SHANK2: variants seen among roughly 807,000 people sequenced by gnomAD.
The protein encoded by SHANK2 is SH3 and multiple ankyrin repeat domains 2.
Under a neutral mutation model 133.7 loss-of-function variants are expected in SHANK2, and 43 were observed. That is an observed-to-expected ratio of 0.32 (90% CI 0.25 to 0.41). SHANK2 has a LOEUF of 0.41. SHANK2 is among the 10% of genes least tolerant of loss of function. The pLI is 1.00. For missense variants in SHANK2, 1,994 were observed against 2,235.8 expected, an observed-to-expected ratio of 0.89 and a Z score of 2.18; for synonymous variants, 1,017 against 952.8, an observed-to-expected ratio of 1.07 and a Z score of -1.24.
At chr11:71,083,602 A>T (rs1951330454) in intron 8 of SHANK2, among the ~76,000 whole-genome samples, 1 of 152,112 alleles carries the variant, frequency 6.6e-6, no homozygotes, top group East Asian at 1.9e-4. Flanking sequence ...CATCCCGAAG[A>T]TACTGAGTCA....
intron 14 of SHANK2, among the ~76,000 whole-genome samples, chr11:70,712,790 G>C (rs1945819977): frequency 6.6e-6 from 1 of 152,220 alleles, no homozygotes; most frequent in Non-Finnish European, 1.5e-5. Context: ...ACATGCTCAG[G>C]GGGCCACGCT....
At chr11:71,146,340 G>A (rs1164723362) in intron 3 of SHANK2, among the ~76,000 whole-genome samples, 1 of 151,744 alleles carries the variant, frequency 6.6e-6, no homozygotes, top group Non-Finnish European at 1.5e-5. Flanking sequence ...CCCCTTTACA[G>A]ACAAGATGAA....
intron 2 of SHANK2, among the ~76,000 whole-genome samples, chr11:71,202,906 G>A (rs771958904): frequency 6.6e-6 from 1 of 152,212 alleles, no homozygotes; most frequent in Non-Finnish European, 1.5e-5. Context: ...GGAAAAAACG[G>A]AGCCAGATGC....
chr11:70,733,104 G>A (rs569246368), intron 14 of SHANK2, among the ~76,000 whole-genome samples: 19 of 152,308 alleles, frequency 1.2e-4, no homozygotes, highest in Admixed American at 3.9e-4. Flanking sequence ...GATCGTCCGC[G>A]ACAGAAAGAC....
At chr11:70,496,590 C>T (rs782789037) in intron 21 of SHANK2, among the ~76,000 whole-genome samples, 1 of 152,356 alleles carries the variant, frequency 6.6e-6, no homozygotes, top group Non-Finnish European at 1.5e-5. Context: ...CATCCTGTTT[C>T]TCATCCTAAT....
At chr11:70,653,567 CAAAAAAAAAAAAA>C (rs1157982312) in intron 17 of SHANK2, among the ~76,000 whole-genome samples, 8 of 61,804 alleles carry the variant, frequency 1.3e-4, no homozygotes, top group Non-Finnish European at 2.4e-4. Flanking sequence ...CTCAGCCTTC[CAAAAAAAAAAAAA>C]AAAAAAAAAG....
intron 17 of SHANK2, among the ~76,000 whole-genome samples, chr11:70,537,024 AG>A (rs1235984489): frequency 1.1e-4 from 16 of 152,184 alleles, no homozygotes; most frequent in Non-Finnish European, 2.2e-4. Context: ...CAGCTAGAAG[AG>A]GGTTCCCCAG....
chr11:70,750,239 AC>A (rs1346768304), intron 14 of SHANK2, among the ~76,000 whole-genome samples: 1 of 152,230 alleles, frequency 6.6e-6, no homozygotes, highest in Admixed American at 6.5e-5. Flanking sequence ...CATGTGTATA[AC>A]AAGTGTGGAT....
intron 14 of SHANK2, among the ~76,000 whole-genome samples, chr11:70,737,923 C>T (rs1555033930): frequency 6.6e-6 from 1 of 152,250 alleles, no homozygotes; most frequent in Non-Finnish European, 1.5e-5. Context: ...GTGACAATGA[C>T]AAGTGTGAAG....
Position 70,815,727 on chromosome 11 carries a change from G to C in SHANK2, c.1493+4637C>G, listed in dbSNP as rs536678020. Among the ~76,000 whole-genome samples the C allele has an allele frequency of 3.3e-5, 5 of 152,262 alleles. No homozygotes were observed. The East Asian group carries it at 7.7e-4, about 24-fold the overall frequency. On this transcript the variant is annotated intron_variant, in intron 12 of 25. Transcript: ENST00000601538. Reference sequence around the variant, plus strand: ...TTGGTGCCAGCAGGAGTCCCGGTGGGGGCCCTGGGGAGGCTGGGAGGCCTC... The same window carrying C: ...TTGGTGCCAGCAGGAGTCCCGGTGGCGGCCCTGGGGAGGCTGGGAGGCCTC...
intron 17 of SHANK2, among the ~76,000 whole-genome samples, chr11:70,536,286 C>A (rs1480804872): frequency 1.3e-5 from 2 of 152,204 alleles, no homozygotes; most frequent in Non-Finnish European, 2.9e-5. Flanking sequence ...GGGCTCATCA[C>A]GCTTGTTGTT....
At position 71,229,107 on chromosome 11, in the gene SHANK2, G is replaced by A. The variant is rs568224148; in HGVS notation, c.-112-4311C>T. Among the ~76,000 whole-genome samples, 45 of 152,258 alleles carry A rather than the reference G, an allele frequency of 3.0e-4. 1 individual carries two copies. The highest frequency in any genetic ancestry group is 6.8e-3 in the Middle Eastern group (2 of 294). ...CCCCCACTTGATAAAGAACATCTGCGAAGAAACATGAGCCAAGATTCACCA... is the reference window on the plus strand; with the variant it reads ...CCCCCACTTGATAAAGAACATCTGCAAAGAAACATGAGCCAAGATTCACCA... On this transcript the variant is annotated intron_variant, in intron 1 of 25. Transcript: ENST00000601538.
At chr11:70,516,585 T>A (rs1402276557) in intron 17 of SHANK2, among the ~76,000 whole-genome samples, 1 of 152,196 alleles carries the variant, frequency 6.6e-6, no homozygotes, top group Non-Finnish European at 1.5e-5. Flanking sequence ...AAAAGCATAA[T>A]CTATAAAAGT....
intron 17 of SHANK2, among the ~76,000 whole-genome samples, chr11:70,583,438 C>T (rs1333716488): frequency 1.3e-5 from 2 of 152,120 alleles, no homozygotes; most frequent in Non-Finnish European, 2.9e-5. Context: ...AGAGGGAGTC[C>T]AGTCCTGCCC....
chr11:70,626,170 C>T lies in SHANK2; in HGVS notation c.2061+33658G>A, dbSNP rs560862547. Reference sequence around the variant, plus strand: ...CAACGGAAAACACCCCCAGCAGCACCGTTTGCTGGGCCCATTTAGGAAGAC... The same window carrying T: ...CAACGGAAAACACCCCCAGCAGCACTGTTTGCTGGGCCCATTTAGGAAGAC... On this transcript the variant is annotated intron_variant, in intron 17 of 25. Coordinates refer to ENST00000601538, the MANE Select transcript of SHANK2 (RefSeq NM_012309.5). Among the ~76,000 whole-genome samples the T allele has an allele frequency of 6.6e-5, 10 of 152,334 alleles. No homozygotes were observed. In the South Asian group the frequency reaches 1.5e-3, roughly 22 times the overall value.
intron 17 of SHANK2, among the ~76,000 whole-genome samples, chr11:70,649,209 T>C (rs1171810625): frequency 6.6e-6 from 1 of 152,140 alleles, no homozygotes; most frequent in Non-Finnish European, 1.5e-5. Flanking sequence ...ACCGTCCCTG[T>C]CTATCTCCAT....
At position 71,175,688 on chromosome 11, in the gene SHANK2, C is replaced by A. The variant is rs1297158623; in HGVS notation, c.-12-28350G>T. Among the ~76,000 whole-genome samples the A allele has an allele frequency of 6.6e-6, 1 of 151,578 alleles. No homozygotes were observed. The highest frequency in any genetic ancestry group is 1.5e-5 in the Non-Finnish European group (1 of 67,964). On this transcript the variant is annotated intron_variant, in intron 2 of 25. Transcript: ENST00000601538. The surrounding 1 kb of genome is among the most constrained non-coding windows in gnomAD (Gnocchi z 4.2). Reference sequence around the variant, plus strand: ...TACCTGAAACCACCCAAAATATATCCAAACCACCAAAATATGTAAAAAGAA... The same window carrying A: ...TACCTGAAACCACCCAAAATATATCAAAACCACCAAAATATGTAAAAAGAA...
At chr11:70,817,021 G>A (rs781939143) in intron 12 of SHANK2, among the ~76,000 whole-genome samples, 16 of 152,220 alleles carry the variant, frequency 1.1e-4, no homozygotes, top group Non-Finnish European at 1.5e-4. Context: ...CTCTCACCGT[G>A]CAAAGACACT....
At chr11:70,502,761 C>A in intron 18 of SHANK2, 35 bp downstream of exon 18, 1 of 431,648 alleles carries the variant, frequency 2.3e-6, no homozygotes. Flanking sequence ...CCCAGTAGGG[C>A]CCCAGGCTGG....
Sources: allele counts gnomAD v4.1 joint callset (sites outside exome capture counted in the v4.1 genomes callset), GRCh38; gene constraint gnomAD v4.1.1; non-coding constraint Gnocchi (gnomAD v3.1); transcripts MANE v1.5; gene names NCBI Gene and HGNC (gene_info 2026-07-23, HGNC 2026-07-21).